The following ZNF730 variants were observed in gnomAD, a reference collection of about 807,000 sequenced individuals.
The protein encoded by ZNF730 is putative zinc finger protein 730.
Under a neutral mutation model 12.6 loss-of-function variants are expected in ZNF730, and 12 were observed. The observed-to-expected ratio is 0.95, with a 90% CI of 0.61 to 1.54. The LOEUF is 1.54. Ranked by LOEUF, ZNF730 falls within the 40% of genes most tolerant of loss-of-function variation. The pLI is 0.00. For missense variants in ZNF730, 643 were observed against 583.5 expected (o/e 1.10, Z -1.05); for synonymous variants, 194 against 195.8 (o/e 0.99, Z 0.08).
intron 1 of ZNF730, among the ~76,000 whole-genome samples, chr19:23,106,335 T>G (rs949386717): frequency 5.3e-5 from 8 of 152,092 alleles, no homozygotes; most frequent in African/African-American, 1.9e-4. Flanking sequence ...TCTAGACAGT[T>G]GTCAAATCTT....
exon 1 of ZNF730, chr19:23,075,229 C>T (rs1444073679): frequency 6.6e-6 from 1 of 152,242 alleles, no homozygotes; most frequent in African/African-American, 2.4e-5. Context: ...CTCTCGCTCC[C>T]GCCAGAGCTT....
intron 1 of ZNF730, among the ~76,000 whole-genome samples, chr19:23,109,704 C>T (rs541116456): frequency 3.9e-5 from 6 of 152,018 alleles, no homozygotes; most frequent in African/African-American, 9.6e-5. Context: ...TGAGCCACTG[C>T]GCCTAGCCTA....
chr19:23,145,128 A>G, intron 3 of ZNF730, 143 bp from the exon 4 acceptor site: 1 of 591,226 alleles, frequency 1.7e-6, no homozygotes, highest in Non-Finnish European at 2.6e-6. Context: ...TTTTTGTTAC[A>G]TTTATATGTT....
intron 1 of ZNF730, among the ~76,000 whole-genome samples, chr19:23,108,046 C>T (rs867008009): frequency 6.9e-6 from 1 of 145,984 alleles, no homozygotes. Flanking sequence ...TTGATTAAGG[C>T]ACAAAACCAA....
chr19:23,123,144 A>C (rs754870269), intron 1 of ZNF730: 1 of 152,348 alleles, frequency 6.6e-6, no homozygotes, highest in East Asian at 1.9e-4. Flanking sequence ...TGCAAGCTCA[A>C]ATATATTCCA....
In ZNF730 at chr19:23,138,005, C is replaced by CAGAAAGGATTTCCCCA. The variant is rs1250264502; in HGVS notation, c.226+1962_226+1963insAGAAAGGATTTCCCCA. On this transcript the variant is annotated intron_variant, in intron 3 of 3. Coordinates refer to ENST00000597761, the MANE Select transcript of ZNF730 (RefSeq NM_001277403.2). Reference sequence around the variant, plus strand: ...TGTAGATGAAAATGGCTTTCACGGCCGGGCGCGGTGGCTCACGCCTGTAAT... The same window carrying CAGAAAGGATTTCCCCA: ...TGTAGATGAAAATGGCTTTCACGGCCAGAAAGGATTTCCCCAGGGCGCGGTGGCTCACGCCTGTAAT... 6.5e-4 allele frequency among the ~76,000 whole-genome samples: 11 copies of CAGAAAGGATTTCCCCA among 17,048 alleles called. No individual in the cohort carries two copies. In the South Asian group the frequency reaches 0.01, roughly 16 times the overall value. 11.2% of individuals were successfully genotyped at this position (17,048 alleles called of 152,430 possible). A position where few individuals can be genotyped will look rare whatever the true frequency, so the allele number is the denominator to read the frequency against.
intron 1 of ZNF730, among the ~76,000 whole-genome samples, chr19:23,092,546 A>C (rs996477281): frequency 3.7e-4 from 57 of 152,130 alleles, no homozygotes; most frequent in Admixed American, 2.0e-4. Context: ...CCAAGATTGC[A>C]CCATTGCACT....
intron 1 of ZNF730, among the ~76,000 whole-genome samples, chr19:23,125,991 A>G (rs1970660744): frequency 6.6e-6 from 1 of 152,190 alleles, no homozygotes; most frequent in South Asian, 2.1e-4. Context: ...ATACTAATGC[A>G]TTTGCTTTTC....
chr19:23,101,767 AC>A (rs1005283439), intron 1 of ZNF730, among the ~76,000 whole-genome samples: 13 of 152,070 alleles, frequency 8.5e-5, no homozygotes, highest in African/African-American at 3.1e-4. Context: ...ACGGGGTTTC[AC>A]CATGTTGGTC....
chr19:23,078,757 A>G (rs1296930794), intron 1 of ZNF730, among the ~76,000 whole-genome samples: 2 of 151,666 alleles, frequency 1.3e-5, no homozygotes, highest in African/African-American at 4.8e-5. Flanking sequence ...GGGGCAGGCC[A>G]CCCCTTCAGT....
intron 1 of ZNF730, among the ~76,000 whole-genome samples, chr19:23,106,467 A>T (rs1457216018): frequency 2.0e-5 from 3 of 152,210 alleles, no homozygotes; most frequent in African/African-American, 4.8e-5. Flanking sequence ...GCTTAACCTA[A>T]TAGAAATGTA....
At chr19:23,081,255 G>A (rs1016631909) in intron 1 of ZNF730, among the ~76,000 whole-genome samples, 4 of 150,852 alleles carry the variant, frequency 2.7e-5, no homozygotes, top group South Asian at 2.1e-4. Flanking sequence ...AGTGATTCTC[G>A]TGCCTGAACC....
intron 1 of ZNF730, chr19:23,127,814 T>C (rs1970688873): frequency 1.6e-5 from 11 of 694,822 alleles, no homozygotes; most frequent in Middle Eastern, 4.1e-4. Flanking sequence ...CACAGGATGA[T>C]AGTTTGTGTA....
intron 3 of ZNF730, among the ~76,000 whole-genome samples, chr19:23,144,542 TA>T (rs1213541196): frequency 7.3e-5 from 11 of 151,614 alleles, no homozygotes; most frequent in African/African-American, 2.4e-4. Flanking sequence ...CTACTAAAAA[TA>T]CAAAAAATTA....
chr19:23,131,887 TGAG>T (rs1970747180), intron 1 of ZNF730, among the ~76,000 whole-genome samples: 1 of 152,186 alleles, frequency 6.6e-6, no homozygotes, highest in Non-Finnish European at 1.5e-5. Flanking sequence ...GACTCTAAGT[TGAG>T]GCCAGAATCA....
chr19:23,082,771 G>A (rs1482078892), intron 1 of ZNF730, among the ~76,000 whole-genome samples: 1 of 151,654 alleles, frequency 6.6e-6, no homozygotes, highest in Non-Finnish European at 1.5e-5. Context: ...GCGTGATCTC[G>A]GCTCACCGCA....
chr19:23,139,182 C>T (rs1297238066), intron 3 of ZNF730, among the ~76,000 whole-genome samples: 5 of 152,076 alleles, frequency 3.3e-5, no homozygotes, highest in Non-Finnish European at 7.4e-5. Context: ...GATTTATTCT[C>T]AAATATTTGG....
chr19:23,100,459 C>A (rs1465956650), intron 1 of ZNF730: 1 of 152,084 alleles, frequency 6.6e-6, no homozygotes, highest in African/African-American at 2.4e-5. Context: ...TAACAGGGCT[C>A]CTCACACAGG....
chr19:23,127,764 A>G, intron 1 of ZNF730: 1 of 893,852 alleles, frequency 1.1e-6, no homozygotes, highest in Non-Finnish European at 1.9e-6. Flanking sequence ...TCCTGAGAGG[A>G]AGTTAGGGCC....
Sources: gnomAD v4.1 joint callset for allele counts (sites outside exome capture counted in the v4.1 genomes callset) on GRCh38, gnomAD v4.1.1 for gene constraint, MANE v1.5 for transcripts, NCBI Gene and HGNC (gene_info 2026-07-23, HGNC 2026-07-21) for gene names.